Variants in LRRC4C observed in about 807,000 individuals in gnomAD.
LRRC4C encodes leucine-rich repeat-containing protein 4C.
Under a neutral mutation model 33.6 loss-of-function variants are expected in LRRC4C, and 5 were observed. That is an observed-to-expected ratio of 0.15 (90% CI 0.08 to 0.31). The LOEUF is 0.31. Among genes scored for constraint, LRRC4C ranks in the 10% least tolerant of loss-of-function variants. LRRC4C has a pLI of 1.00. For synonymous variants in LRRC4C, 329 were observed against 302.0 expected, an observed-to-expected ratio of 1.09 and a Z score of -0.93; for missense variants, 560 against 796.7, an observed-to-expected ratio of 0.70 and a Z score of 3.58.
At chr11:40,756,157 A>G (rs1591637007) in intron 2 of LRRC4C, among the ~76,000 whole-genome samples, 1 of 152,062 alleles carries the variant, frequency 6.6e-6, no homozygotes, top group South Asian at 2.1e-4. Context: ...CTTAGAGGAA[A>G]CTAACGCTGC....
intron 4 of LRRC4C, among the ~76,000 whole-genome samples, chr11:40,255,576 A>G (rs1204785584): frequency 6.6e-6 from 1 of 152,178 alleles, no homozygotes; most frequent in East Asian, 1.9e-4. Context: ...ACCCAAATAG[A>G]GTTGATGCAA....
intron 2 of LRRC4C, among the ~76,000 whole-genome samples, chr11:40,705,278 A>AT (rs1464815489): frequency 6.6e-6 from 1 of 152,038 alleles, no homozygotes; most frequent in Non-Finnish European, 1.5e-5. Context: ...ACGTATGTAT[A>AT]TATGTGCCTC....
At chr11:40,120,956 A>G (rs1855778939) in intron 6 of LRRC4C, among the ~76,000 whole-genome samples, 1 of 152,124 alleles carries the variant, frequency 6.6e-6, no homozygotes, top group East Asian at 1.9e-4. Flanking sequence ...CCTAGTCAAA[A>G]GACTTTGGTT....
intron 3 of LRRC4C, among the ~76,000 whole-genome samples, chr11:40,567,901 C>A (rs1307179214): frequency 3.9e-5 from 6 of 152,130 alleles, no homozygotes; most frequent in Non-Finnish European, 8.8e-5. Flanking sequence ...CTCATGAAAT[C>A]CCCCTTTACC....
chr11:40,226,995 G>A (rs1208909099), intron 5 of LRRC4C, among the ~76,000 whole-genome samples: 1 of 152,084 alleles, frequency 6.6e-6, no homozygotes, highest in Non-Finnish European at 1.5e-5. Context: ...CTCCCCTCCT[G>A]AAAGGTGAGA....
intron 2 of LRRC4C, among the ~76,000 whole-genome samples, chr11:40,915,101 G>A (rs1250857706): frequency 1.3e-4 from 20 of 152,140 alleles, no homozygotes; most frequent in East Asian, 1.2e-3. Context: ...AATCAATATC[G>A]TGAAAATGGC....
chr11:40,902,772 G>A lies in LRRC4C; in HGVS notation c.-407+30863C>T, dbSNP rs114410781. The stretch of plus-strand genomic sequence containing the variant: ...TTAAGTATAGCCTAACCCATACCTA[G>A]GCTCTAACTATCTTTAATTCTATGA... On this transcript the variant is annotated intron_variant, in intron 2 of 6. Transcript: ENST00000528697. Among the ~76,000 whole-genome samples, 489 of 152,224 alleles carry A rather than the reference G, an allele frequency of 3.2e-3. 3 individuals are homozygous for A. Among genetic ancestry groups the A allele is most frequent in the African/African-American group, 0.011 (474 of 41,546 alleles).
chr11:41,092,963 T>C (rs757658668), intron 1 of LRRC4C, among the ~76,000 whole-genome samples: 3 of 152,226 alleles, frequency 2.0e-5, no homozygotes, highest in Non-Finnish European at 4.4e-5. Flanking sequence ...TTTATACACA[T>C]TACATGTATT....
intron 1 of LRRC4C, among the ~76,000 whole-genome samples, chr11:41,163,632 AAC>A (rs1195152711): frequency 2.8e-5 from 4 of 141,730 alleles, no homozygotes; most frequent in Non-Finnish European, 6.2e-5. Context: ...TTTTGTTTGA[AAC>A]AGAGTCTCTC....
chr11:40,216,432 A>C (rs1189509525), intron 5 of LRRC4C, among the ~76,000 whole-genome samples: 2 of 152,178 alleles, frequency 1.3e-5, no homozygotes, highest in African/African-American at 2.4e-5. Flanking sequence ...TTATTCCATT[A>C]GCCATCATAA....
chr11:40,676,496 G>T (rs961163407), intron 2 of LRRC4C, among the ~76,000 whole-genome samples: 3 of 152,116 alleles, frequency 2.0e-5, no homozygotes, highest in African/African-American at 7.2e-5. Context: ...ATTGGAAAGG[G>T]TGTTTTATTC....
At chr11:40,495,473 T>C (rs973555925) in intron 3 of LRRC4C, among the ~76,000 whole-genome samples, 6 of 152,146 alleles carry the variant, frequency 3.9e-5, no homozygotes, top group African/African-American at 1.4e-4. Context: ...CCTAAGTCAC[T>C]AAATAAAATA....
rs201555231 is a variant in LRRC4C, at chr11:40,569,849, TA to T, written c.-270+78292del. 2.6e-3 allele frequency among the ~76,000 whole-genome samples: 394 copies of T among 152,180 alleles called. 3 individuals carry two copies. The highest frequency in any genetic ancestry group is 9.3e-3 in the African/African-American group (385 of 41,542). ...AATTTGTGAATCAATAAAAAGTGGATAAATTTAAAAATTGTGTATACATATA... is the reference window on the plus strand; with the variant it reads ...AATTTGTGAATCAATAAAAAGTGGATAATTTAAAAATTGTGTATACATATA... On this transcript the variant is annotated intron_variant, in intron 3 of 6. Coordinates refer to ENST00000528697, the MANE Select transcript of LRRC4C (RefSeq NM_001258419.2).
At chr11:40,409,462 A>C (rs1950077062) in intron 3 of LRRC4C, among the ~76,000 whole-genome samples, 1 of 152,058 alleles carries the variant, frequency 6.6e-6, no homozygotes, top group East Asian at 1.9e-4. Flanking sequence ...AACCTATAAA[A>C]TGGAAGAAAA....
chr11:41,403,666 G>A (rs1279549781), intron 1 of LRRC4C, among the ~76,000 whole-genome samples: 1 of 152,050 alleles, frequency 6.6e-6, no homozygotes, highest in Non-Finnish European at 1.5e-5. Flanking sequence ...TCTTCCCTGA[G>A]GGTGCTGTTG....
At chr11:41,246,577 G>A (rs916382289) in intron 1 of LRRC4C, among the ~76,000 whole-genome samples, 15 of 152,196 alleles carry the variant, frequency 9.9e-5, no homozygotes, top group Admixed American at 9.2e-4. Flanking sequence ...AGCTCCTGCA[G>A]CTCTGTGGAG....
chr11:40,544,518 A>G (rs1956843818), intron 3 of LRRC4C, among the ~76,000 whole-genome samples: 1 of 152,094 alleles, frequency 6.6e-6, no homozygotes, highest in Non-Finnish European at 1.5e-5. Flanking sequence ...ATATATGTAA[A>G]TTCAGGCAAA....
chr11:40,452,366 T>C (rs979787328), intron 3 of LRRC4C, among the ~76,000 whole-genome samples: 3 of 151,834 alleles, frequency 2.0e-5, no homozygotes, highest in African/African-American at 7.3e-5. Flanking sequence ...AAAAAGTGGG[T>C]GAAGGATATG....
At chr11:41,046,488 G>A (rs1435118298) in intron 1 of LRRC4C, among the ~76,000 whole-genome samples, 1 of 152,140 alleles carries the variant, frequency 6.6e-6, no homozygotes, top group Non-Finnish European at 1.5e-5. Flanking sequence ...GGACAGAGAG[G>A]AAAAGAGATT....
Sources: gnomAD v4.1 joint callset for allele counts (sites outside exome capture counted in the v4.1 genomes callset) on GRCh38, gnomAD v4.1.1 for gene constraint, MANE v1.5 for transcripts, NCBI Gene and HGNC (gene_info 2026-07-23, HGNC 2026-07-21) for gene names.